Variants in DGKB observed in about 807,000 individuals in gnomAD.
DGKB encodes 90 kDa diacylglycerol kinase.
Under a neutral mutation model 114.3 loss-of-function variants are expected in DGKB, and 67 were observed. That is an observed-to-expected ratio of 0.59 (90% confidence interval 0.48 to 0.72). The LOEUF is 0.72. Among genes scored for constraint, DGKB ranks in the 30% least tolerant of loss-of-function variants. The probability of loss-of-function intolerance (pLI) is 0.00; values close to 1 mark genes in which losing one functional copy is unlikely to be tolerated. For synonymous variants in DGKB, 398 were observed against 323.1 expected (o/e 1.23, Z -2.49); for missense variants, 907 against 975.2 (o/e 0.93, Z 0.93).
intron 23 of DGKB, among the ~76,000 whole-genome samples, chr7:14,197,582 G>T (rs1045504105): frequency 2.6e-5 from 4 of 151,994 alleles, no homozygotes; most frequent in Non-Finnish European, 4.4e-5. Flanking sequence ...GATCAGTGGG[G>T]GTCATCTGCA....
At chr7:14,805,931 G>A (rs2128063248) in intron 2 of DGKB, among the ~76,000 whole-genome samples, 1 of 150,830 alleles carries the variant, frequency 6.6e-6, no homozygotes, top group Middle Eastern at 3.4e-3. Context: ...TCCTAGACCA[G>A]TTCAAATGGT....
chr7:14,853,347 A>C (rs766845891), intron 1 of DGKB, among the ~76,000 whole-genome samples: 2 of 151,992 alleles, frequency 1.3e-5, no homozygotes, highest in Non-Finnish European at 2.9e-5. Flanking sequence ...TTTCATGTAC[A>C]TACTGGCTCA....
At position 14,701,709 on chromosome 7, in the gene DGKB, G is replaced by A. The variant is rs369411011; in HGVS notation, c.488C>T (p.Thr163Met). 1.8e-5 allele frequency: 29 copies of A among 1,611,528 alleles called. No homozygotes were observed. The highest frequency in any genetic ancestry group is 2.2e-5 in the East Asian group (1 of 44,810). The change falls in exon 7 of 26, where the codon ACG becomes ATG. Residue 163 changes from threonine to methionine, a missense_variant. Around this residue, in one of 3 missense-constraint regions of DGKB, gnomAD observed 814 missense variants for 856.6 expected, o/e 0.95. Coordinates refer to ENST00000402815, the MANE Select transcript of DGKB (RefSeq NM_001350709.2). ...KLEFMFRLYD[T>M]DGNGFLDSSE... ...GCTGTCCAGGAAGCCATTCCCATCC[G>A]TGTCATAAAGGCGAAACATAACTAG...
chr7:14,911,479 A>G (rs1394288064), intron 1 of DGKB, among the ~76,000 whole-genome samples: 3 of 152,226 alleles, frequency 2.0e-5, no homozygotes, highest in Non-Finnish European at 4.4e-5. Flanking sequence ...GGACTCTCAG[A>G]GTTTTTTTCC....
At chr7:14,604,626 A>T (rs544187800) in intron 17 of DGKB, among the ~76,000 whole-genome samples, 2 of 152,256 alleles carry the variant, frequency 1.3e-5, no homozygotes, top group African/African-American at 4.8e-5. Context: ...AGGGTATCAG[A>T]GTAATAGGGA....
At chr7:14,586,237 G>A (rs900078561) in intron 17 of DGKB, among the ~76,000 whole-genome samples, 1 of 152,062 alleles carries the variant, frequency 6.6e-6, no homozygotes, top group Non-Finnish European at 1.5e-5. Context: ...ACAACAAGAA[G>A]GCGAAACAGC....
intron 1 of DGKB, among the ~76,000 whole-genome samples, chr7:14,908,383 A>C (rs890331624): frequency 2.6e-5 from 4 of 152,188 alleles, no homozygotes; most frequent in African/African-American, 9.7e-5. Context: ...AGAGCCCTGC[A>C]CACAGAAGGC....
intron 23 of DGKB, among the ~76,000 whole-genome samples, chr7:14,235,324 G>T (rs1792595365): frequency 1.3e-5 from 2 of 152,088 alleles, no homozygotes; most frequent in East Asian, 1.9e-4. Flanking sequence ...AGAATGGAAT[G>T]GTCTCTCTAC....
At chr7:14,274,360 T>G (rs1798693551) in intron 23 of DGKB, among the ~76,000 whole-genome samples, 1 of 152,178 alleles carries the variant, frequency 6.6e-6, no homozygotes. Context: ...TGGAGTTTTC[T>G]TACTAAAATG....
At chr7:14,604,286 A>T (rs1334859987) in intron 17 of DGKB, among the ~76,000 whole-genome samples, 2 of 152,146 alleles carry the variant, frequency 1.3e-5, no homozygotes, top group African/African-American at 4.8e-5. Context: ...TAAAAAATGA[A>T]ATGCCCAGTG....
intron 20 of DGKB, among the ~76,000 whole-genome samples, chr7:14,551,943 G>A (rs1310742317): frequency 6.6e-6 from 1 of 152,018 alleles, no homozygotes; most frequent in Non-Finnish European, 1.5e-5. Flanking sequence ...ACAGATGTTT[G>A]TGGATTTGGT....
At chr7:14,623,845 T>G (rs1260534570) in intron 14 of DGKB, among the ~76,000 whole-genome samples, 5 of 152,200 alleles carry the variant, frequency 3.3e-5, no homozygotes, top group African/African-American at 1.2e-4. Context: ...AATTATTAGA[T>G]GAGGTCTCGA....
chr7:14,512,449 CCTTACT>C (rs1301198675), intron 20 of DGKB, among the ~76,000 whole-genome samples: 5 of 152,076 alleles, frequency 3.3e-5, no homozygotes, highest in African/African-American at 1.2e-4. Context: ...TAAGAGATAG[CCTTACT>C]CTTAAAGTTC....
At chr7:14,257,590 TG>T (rs1409257860) in intron 23 of DGKB, among the ~76,000 whole-genome samples, 1 of 152,166 alleles carries the variant, frequency 6.6e-6, no homozygotes, top group Non-Finnish European at 1.5e-5. Flanking sequence ...TGAGATCTGA[TG>T]GCTTCATACT....
intron 21 of DGKB, among the ~76,000 whole-genome samples, chr7:14,387,699 G>C (rs985436695): frequency 8.6e-5 from 13 of 151,940 alleles, no homozygotes; most frequent in African/African-American, 2.7e-4. Flanking sequence ...TTACAGTTGT[G>C]AGCCACCATG....
chr7:14,193,418 A>G (rs1279918946), intron 23 of DGKB, among the ~76,000 whole-genome samples: 1 of 152,314 alleles, frequency 6.6e-6, no homozygotes, highest in African/African-American at 2.4e-5. Flanking sequence ...CTGATTTTTG[A>G]CAAAGATGCC....
chr7:14,346,907 G>A (rs2099282), intron 21 of DGKB, among the ~76,000 whole-genome samples: 22,341 of 151,808 alleles, frequency 0.15, 1,719 homozygotes, highest in African/African-American at 0.2. Context: ...TATGACTATT[G>A]GAATAGTCTT....
At chr7:14,442,427 T>C (rs1830204581) in intron 21 of DGKB, among the ~76,000 whole-genome samples, 7 of 152,058 alleles carry the variant, frequency 4.6e-5, no homozygotes, top group Admixed American at 1.3e-4. Flanking sequence ...GGTAGAATAT[T>C]TGTCTTTCAG....
chr7:14,437,780 T>C (rs1402826767), intron 21 of DGKB, among the ~76,000 whole-genome samples: 1 of 150,346 alleles, frequency 6.7e-6, no homozygotes, highest in Non-Finnish European at 1.5e-5. Flanking sequence ...AAGTTCTCCC[T>C]AGGGTTATCT....
Sources: allele counts gnomAD v4.1 joint callset (sites outside exome capture counted in the v4.1 genomes callset), GRCh38; gene constraint gnomAD v4.1.1; regional missense constraint gnomAD v4.1.1; transcripts MANE v1.5; gene names NCBI Gene and HGNC (gene_info 2026-07-23, HGNC 2026-07-21).